Variants in CAPN10 observed in about 807,000 individuals in gnomAD.
CAPN10 encodes calpain 10.
Under a neutral mutation model 78.4 loss-of-function variants are expected in CAPN10, and 71 were observed. That is an observed-to-expected ratio of 0.91 (90% CI 0.75 to 1.10). The LOEUF is 1.10. Ranked by LOEUF, CAPN10 falls within the 50% of genes least tolerant of loss-of-function variation. The pLI, the probability that CAPN10 is intolerant of heterozygous loss-of-function variation, is 0.00. For missense variants in CAPN10, 849 were observed against 924.6 expected (o/e 0.92, Z 1.06); for synonymous variants, 437 against 407.2 (o/e 1.07, Z -0.88).
rs768308971 is a variant in CAPN10, at chr2:240,594,019, C to A, written c.802C>A (p.Arg268=). Residue 268 remains arginine, a synonymous_variant, in exon 5 of 12, where the codon CGG becomes AGG. Coordinates refer to ENST00000391984, the MANE Select transcript of CAPN10 (RefSeq NM_023083.4). The part of the protein sequence containing the change: ...LLRIQNPWGR[R]CWQGLWREGG... ...GCGGATCCAGAACCCCTGGGGCCGGCGGTGCTGGCAGGGGCTCTGGAGAGA... is the reference window on the plus strand; with the variant it reads ...GCGGATCCAGAACCCCTGGGGCCGGAGGTGCTGGCAGGGGCTCTGGAGAGA... 7 of 1,607,806 alleles carry A rather than the reference C, an allele frequency of 4.4e-6. No individual in the cohort carries two copies. In the South Asian group the frequency reaches 7.7e-5, roughly 18 times the overall value.
At chr2:240,595,431 C>G (rs372342078) in intron 7 of CAPN10, 127 bp downstream of exon 7, 29 of 1,027,488 alleles carry the variant, frequency 2.8e-5, no homozygotes, top group East Asian at 7.8e-5. Flanking sequence ...CAGTCTCCCC[C>G]CTCCTTGGGC....
At chr2:240,591,632 A>G (rs1276706180) in intron 3 of CAPN10, 1 of 447,390 alleles carries the variant, frequency 2.2e-6, no homozygotes, top group African/African-American at 2.0e-5. Context: ...CTTGAGAGCC[A>G]AGGGATGTGG....
Position 240,598,928 on chromosome 2 carries a change from CG to C in CAPN10, c.*250del. The C allele has an allele frequency of 1.8e-6, 1 of 570,498 alleles. No individual in the cohort carries two copies. Among genetic ancestry groups the C allele is most frequent in the Non-Finnish European group, 3.2e-6 (1 of 316,706 alleles). 35.3% of individuals were successfully genotyped at this position (570,498 alleles called of 1,614,324 possible). ...GCTGGCTTCTGTTGCGCCACTGAGACGGCAGAGACCCCAGGATCCCAGAGCT... is the reference window on the plus strand; with the variant it reads ...GCTGGCTTCTGTTGCGCCACTGAGACGCAGAGACCCCAGGATCCCAGAGCT... On this transcript the variant is annotated 3_prime_UTR_variant, in exon 12 of 12. Coordinates refer to ENST00000391984, the MANE Select transcript of CAPN10 (RefSeq NM_023083.4).
Position 240,586,789 on chromosome 2 carries a change from G to A in CAPN10, c.-123G>A. 5 of 1,008,762 alleles carry A rather than the reference G, an allele frequency of 5.0e-6. No individual in the cohort carries two copies. Among genetic ancestry groups the A allele is most frequent in the Non-Finnish European group, 6.5e-6 (5 of 768,994 alleles). 62.5% of individuals were successfully genotyped at this position (1,008,762 alleles called of 1,614,324 possible). A position where few individuals can be genotyped will look rare whatever the true frequency, so the allele number is the denominator to read the frequency against. ...CAGCACCTGCGGGGCCCTCGGGCTT[G>A]GAGGGCTGGGCCGGGCGGGGAACGG... On this transcript the variant is annotated 5_prime_UTR_variant, in exon 1 of 12. Transcript: ENST00000391984.
chr2:240,586,791 AGGGCT>A lies in CAPN10; in HGVS notation c.-116_-112del. ...GCACCTGCGGGGCCCTCGGGCTTGG[AGGGCT>A]GGGCCGGGCGGGGAACGGGCGGGGC... On this transcript the variant is annotated 5_prime_UTR_variant, in exon 1 of 12. Coordinates refer to ENST00000391984, the MANE Select transcript of CAPN10 (RefSeq NM_023083.4). 1 of 1,027,468 alleles carries A rather than the reference AGGGCT, an allele frequency of 9.7e-7. No individual in the cohort carries two copies. The highest frequency in any genetic ancestry group is 1.3e-6 in the Non-Finnish European group (1 of 786,502). 63.6% of individuals were successfully genotyped at this position (1,027,468 alleles called of 1,614,324 possible).
Position 240,598,638 on chromosome 2 carries a change from T to A in CAPN10, c.1990-13T>A. The A allele has an allele frequency of 1.3e-6, 2 of 1,574,898 alleles. No individual in the cohort carries two copies. The highest frequency in any genetic ancestry group is 1.7e-6 in the Non-Finnish European group (2 of 1,160,574). On this transcript the variant is annotated splice_polypyrimidine_tract_variant and intron_variant, in intron 11 of 11. Transcript: ENST00000391984. ...GTGCCACCGCTGCCCGGGCCCCCCA[T>A]CTGTCTTTGCAGGTCTCCATCATGG...
rs2093119674 is a variant in CAPN10 at position 240,594,014 on chromosome 2, G to A, written c.797G>A (p.Gly266Asp). ...ILLLRIQNPWGRRCWQGLWRE... is the reference protein window; with the variant it reads ...ILLLRIQNPWDRRCWQGLWRE... ...CTGCTGCGGATCCAGAACCCCTGGG[G>A]CCGGCGGTGCTGGCAGGGGCTCTGG... The change falls in exon 5 of 12, where the codon GGC (glycine) becomes GAC (aspartate). Residue 266 changes from glycine to aspartate, a missense_variant. Coordinates refer to ENST00000391984, the MANE Select transcript of CAPN10 (RefSeq NM_023083.4). The A allele has an allele frequency of 6.2e-7, 1 of 1,610,046 alleles. No individual in the cohort carries two copies. Among genetic ancestry groups the A allele is most frequent in the African/African-American group, 1.3e-5 (1 of 74,894 alleles).
In CAPN10 at chr2:240,587,117, A is replaced by T. The variant is rs1439918028; in HGVS notation, c.141+65A>T. The T allele has an allele frequency of 3.8e-5, 43 of 1,133,284 alleles. 1 individual carries two copies. The highest frequency in any genetic ancestry group is 4.7e-5 in the Non-Finnish European group (41 of 870,224). The allele number at this position is 1,133,284 out of a possible 1,614,324, so 70.2% of individuals were successfully genotyped here. A position where few individuals can be genotyped will look rare whatever the true frequency, so the allele number is the denominator to read the frequency against. The stretch of plus-strand genomic sequence containing the variant: ...TCTGAGATCTCCGCTCCTCGCAGGG[A>T]GCGGGGCGGGGTGGGCGGCCAGGGT... On this transcript the variant is annotated intron_variant, in intron 1 of 11. Transcript: ENST00000391984.
In CAPN10 at chr2:240,598,111, G is replaced by A. The variant is rs545094853; in HGVS notation, c.1943+24G>A. On this transcript the variant is annotated intron_variant, in intron 10 of 11. Coordinates refer to ENST00000391984, the MANE Select transcript of CAPN10 (RefSeq NM_023083.4). ...AGGTGGGGCTCTGGGACTTGGGGGC[G>A]GCCAGCTGGAGGCTGGGGTGCTGGA... The A allele has an allele frequency of 5.5e-5, 88 of 1,590,236 alleles. No individual in the cohort carries two copies. The Middle Eastern group carries it at 6.7e-4, about 12-fold the overall frequency.
At position 240,587,054 on chromosome 2, in the gene CAPN10, TG is replaced by T; in HGVS notation, c.141+6del. ...GACATCACGTGGAGGCGGCCCCAGG[TG>T]GGGCCGTGTGGGGTGCGGTGGGCGC... On this transcript the variant is annotated splice_donor_region_variant and intron_variant, in intron 1 of 11. Transcript: ENST00000391984. The T allele has an allele frequency of 7.2e-7, 1 of 1,397,160 alleles. No homozygotes were observed. The allele number at this position is 1,397,160 out of a possible 1,614,324, so 86.5% of individuals were successfully genotyped here.
In CAPN10 at chr2:240,586,746, C is replaced by T. The variant is rs1434753374; in HGVS notation, c.-166C>T. On this transcript the variant is annotated 5_prime_UTR_variant, in exon 1 of 12. Coordinates refer to ENST00000391984, the MANE Select transcript of CAPN10 (RefSeq NM_023083.4). ...GGTTACCAATGGGAGACTAGCGGGCCGGCGTACTGGCCTGGTCCAGCACCT... is the reference window on the plus strand; with the variant it reads ...GGTTACCAATGGGAGACTAGCGGGCTGGCGTACTGGCCTGGTCCAGCACCT... 2.1e-5 allele frequency: 11 copies of T among 526,466 alleles called. No homozygotes were observed. The highest frequency in any genetic ancestry group is 2.0e-5 in the Non-Finnish European group (7 of 344,844). 32.6% of individuals were successfully genotyped at this position (526,466 alleles called of 1,614,324 possible). A position where few individuals can be genotyped will look rare whatever the true frequency, so the allele number is the denominator to read the frequency against.
In CAPN10 at chr2:240,596,886, C is replaced by T; in HGVS notation, c.1687C>T (p.Gln563Ter). Reference protein sequence around the residue: ...GPRCVRITLHQHCRPSDTEFH... With the variant: ...GPRCVRITLH Reference sequence around the variant, plus strand: ...CCGCTGCGTCCGCATCACTCTGCATCAGCACTGCCGGCCCAGTGACACCGA... The same window carrying T: ...CCGCTGCGTCCGCATCACTCTGCATTAGCACTGCCGGCCCAGTGACACCGA... The change falls in exon 9 of 12, where the codon CAG becomes TAG. Residue 563 changes from glutamine to a stop codon, truncating the protein, a stop_gained. Transcript: ENST00000391984. LOFTEE classifies it high-confidence loss of function. The T allele has an allele frequency of 1.2e-6, 2 of 1,613,592 alleles. No homozygotes were observed. Among genetic ancestry groups the T allele is most frequent in the Non-Finnish European group, 1.7e-6 (2 of 1,180,018 alleles).
intron 4 of CAPN10, among the ~76,000 whole-genome samples, chr2:240,593,355 G>A (rs192229063): frequency 1.3e-5 from 2 of 152,330 alleles, no homozygotes; most frequent in Admixed American, 1.3e-4. Flanking sequence ...CTAGACCGTT[G>A]CCCCGCCACA....
At chr2:240,592,472 A>G (rs1575448025) in intron 4 of CAPN10, 1 of 589,150 alleles carries the variant, frequency 1.7e-6, no homozygotes, top group East Asian at 4.0e-5. Context: ...CCTGTTTTTT[A>G]TTTTAGTGAT....
chr2:240,587,013 G>C lies in CAPN10; in HGVS notation c.102G>C (p.Leu34=), dbSNP rs1371027005. 2.0e-6 allele frequency: 3 copies of C among 1,470,306 alleles called. No homozygotes were observed. Among genetic ancestry groups the C allele is most frequent in the African/African-American group, 1.5e-5 (1 of 68,306 alleles). 91.1% of individuals were successfully genotyped at this position (1,470,306 alleles called of 1,614,324 possible). The change falls in exon 1 of 12, where the codon CTG becomes CTC. Residue 34 remains leucine, a synonymous_variant. Coordinates refer to ENST00000391984, the MANE Select transcript of CAPN10 (RefSeq NM_023083.4). ...TCTTCTGCGACTTGTCTACGCCGCT[G>C]GCCCAGTTCCGCGAGGACATCACGT... ...SSLFCDLSTP[L]AQFREDITWR... is the part of the protein sequence containing the mutation.
chr2:240,586,860 G>T lies in CAPN10; in HGVS notation c.-52G>T. ...CGGCGGCTGACTCGCCTTCTCTCCG[G>T]GGCTGCGACCCCGAGGCAACCGGCT... On this transcript the variant is annotated 5_prime_UTR_variant, in exon 1 of 12. Coordinates refer to ENST00000391984, the MANE Select transcript of CAPN10 (RefSeq NM_023083.4). 7.5e-7 allele frequency: 1 copy of T among 1,329,530 alleles called. No homozygotes were observed. The highest frequency in any genetic ancestry group is 9.6e-7 in the Non-Finnish European group (1 of 1,043,930). The allele number at this position is 1,329,530 out of a possible 1,614,324, so 82.4% of individuals were successfully genotyped here. A position where few individuals can be genotyped will look rare whatever the true frequency, so the allele number is the denominator to read the frequency against.
intron 5 of CAPN10, 181 bp from the exon 6 acceptor site, chr2:240,594,362 C>T: frequency 1.4e-6 from 1 of 690,654 alleles, no homozygotes; most frequent in Non-Finnish European, 2.5e-6. Context: ...TGGCCGCTGC[C>T]CAGAAGGCCC....
At chr2:240,595,971 C>T (rs2093133910) in intron 7 of CAPN10, 3 of 1,377,362 alleles carry the variant, frequency 2.2e-6, no homozygotes, top group Admixed American at 4.4e-5. Context: ...CCTGTCCCTT[C>T]ATGGATGTGG....
At chr2:240,589,219 T>G in intron 1 of CAPN10, 124 bp from the exon 2 acceptor site, 2 of 1,287,134 alleles carry the variant, frequency 1.6e-6, no homozygotes, top group Non-Finnish European at 1.1e-6. Flanking sequence ...CCTGTCCCTT[T>G]TTGGGTAACA....
Sources: gnomAD v4.1 joint callset for allele counts (sites outside exome capture counted in the v4.1 genomes callset) on GRCh38, gnomAD v4.1.1 for gene constraint, MANE v1.5 for transcripts, NCBI Gene and HGNC (gene_info 2026-07-23, HGNC 2026-07-21) for gene names.